Variants in SEMA6A observed in about 807,000 individuals in gnomAD.
SEMA6A encodes the protein semaphorin-6A.
A neutral mutation model predicts 96.8 loss-of-function variants in SEMA6A; 25 were observed. The ratio of observed to expected loss-of-function variants is 0.26; its 90% CI spans 0.19 to 0.36. The LOEUF is 0.36. Ranked by LOEUF, SEMA6A falls within the 10% of genes least tolerant of loss-of-function variation. The pLI is 1.00. For missense variants in SEMA6A, 1,363 were observed against 1,323.1 expected (o/e 1.03, Z -0.47); for synonymous variants, 612 against 518.0 (o/e 1.18, Z -2.46).
chr5:116,539,135 T>TA (rs1220570664), intron 1 of SEMA6A, among the ~76,000 whole-genome samples: 3 of 152,192 alleles, frequency 2.0e-5, no homozygotes, highest in Admixed American at 2.0e-4. Flanking sequence ...ATGGCAGTGC[T>TA]AGAGTTCAAG....
chr5:116,483,474 C>G (rs1049920171), intron 10 of SEMA6A, among the ~76,000 whole-genome samples: 1 of 152,096 alleles, frequency 6.6e-6, no homozygotes, highest in African/African-American at 2.4e-5. Context: ...GACACGGGTG[C>G]CCTGCAGTGT....
chr5:116,492,997 T>A lies in SEMA6A; in HGVS notation c.445-1167A>T, dbSNP rs1036946929. Among the ~76,000 whole-genome samples the A allele has an allele frequency of 2.6e-5, 4 of 152,214 alleles. No individual in the cohort carries two copies. In the East Asian group the frequency reaches 7.7e-4, roughly 29 times the overall value. On this transcript the variant is annotated intron_variant, in intron 6 of 18. Coordinates refer to ENST00000343348, the MANE Select transcript of SEMA6A (RefSeq NM_020796.5). Reference sequence around the variant, plus strand: ...CACTTTTCTGAGCAATGCCAAGGGTTCTTACTACCATTCACAGCGCTAGGC... The same window carrying A: ...CACTTTTCTGAGCAATGCCAAGGGTACTTACTACCATTCACAGCGCTAGGC...
rs929888898 is a variant in SEMA6A at position 116,469,917 on chromosome 5, A to G, written c.1730-2170T>C. Among the ~76,000 whole-genome samples, 26 of 152,344 alleles carry G rather than the reference A, an allele frequency of 1.7e-4. No individual in the cohort carries two copies. In the East Asian group the frequency reaches 1.9e-3, roughly 11 times the overall value. ...TATGAGAAATCAGTCTCTTCTTCCT[A>G]TCACTGAAGTGTTAGTCTAATACCC... On this transcript the variant is annotated intron_variant, in intron 17 of 18. Transcript: ENST00000343348.
chr5:116,449,165 C>T lies in SEMA6A; in HGVS notation c.1895-1354G>A, dbSNP rs1238570439. ...CATCACAGTTGTCAGATCTTAAGTG[C>T]TTGATGCAGTCGCTAAAAAATAAAA... On this transcript the variant is annotated intron_variant, in intron 18 of 18. Transcript: ENST00000343348. 8.5e-5 allele frequency among the ~76,000 whole-genome samples: 13 copies of T among 152,152 alleles called. 1 individual carries two copies.
rs200619839 is a variant in SEMA6A at position 116,571,582 on chromosome 5, AC to A, written c.-39+2602del. On this transcript the variant is annotated intron_variant, in intron 1 of 18. Transcript: ENST00000343348. ...AGAACGTCCCAAAACCAAAATAATA[AC>A]AGGGAGTAAGGGTTACTCAAGATTC... 5.6e-3 allele frequency among the ~76,000 whole-genome samples: 854 copies of A among 152,360 alleles called. 18 individuals carry two copies. Among genetic ancestry groups the A allele is most frequent in the East Asian group, 0.043 (221 of 5,190 alleles).
chr5:116,479,034 G>A (rs1310925969), intron 12 of SEMA6A, among the ~76,000 whole-genome samples: 2 of 151,864 alleles, frequency 1.3e-5, no homozygotes, highest in Non-Finnish European at 2.9e-5. Context: ...CATGAACAAG[G>A]AAAAGACTAA....
At chr5:116,511,691 A>G (rs766464328) in intron 1 of SEMA6A, among the ~76,000 whole-genome samples, 48 of 152,290 alleles carry the variant, frequency 3.2e-4, no homozygotes, top group Non-Finnish European at 6.2e-4. Context: ...GCCTCATTCC[A>G]CTTTATGGCC....
chr5:116,445,932 C>G lies in SEMA6A; in HGVS notation c.*681G>C, dbSNP rs1183700708. Reference sequence around the variant, plus strand: ...ATAAATAAAGAGTTACTTGCGTTAACGGTCACGTTATTTCATTAAAAGAGA... The same window carrying G: ...ATAAATAAAGAGTTACTTGCGTTAAGGGTCACGTTATTTCATTAAAAGAGA... On this transcript the variant is annotated 3_prime_UTR_variant, in exon 19 of 19. Coordinates refer to ENST00000343348, the MANE Select transcript of SEMA6A (RefSeq NM_020796.5). The G allele has an allele frequency of 1.3e-5, 2 of 152,612 alleles. No individual in the cohort carries two copies. The highest frequency in any genetic ancestry group is 2.9e-5 in the Non-Finnish European group (2 of 68,036). The allele number at this position is 152,612 out of a possible 1,614,324, so 9.5% of individuals were successfully genotyped here. A position where few individuals can be genotyped will look rare whatever the true frequency, so the allele number is the denominator to read the frequency against.
chr5:116,534,811 C>T (rs1014057886), intron 1 of SEMA6A, among the ~76,000 whole-genome samples: 1 of 152,162 alleles, frequency 6.6e-6, no homozygotes, highest in Non-Finnish European at 1.5e-5. Flanking sequence ...GGAATGGGCA[C>T]GTTATTACTG....
At chr5:116,568,821 TAC>T (rs10531207) in intron 1 of SEMA6A, among the ~76,000 whole-genome samples, 71,554 of 150,518 alleles carry the variant, frequency 0.48, 17,822 homozygotes, top group East Asian at 0.59. Context: ...TGGAAGATTG[TAC>T]ACACACACAC....
chr5:116,468,491 G>C (rs1048749941), intron 17 of SEMA6A: 1 of 152,196 alleles, frequency 6.6e-6, no homozygotes. Context: ...TGACTAAAAT[G>C]ATTCAAATTA....
At chr5:116,530,269 CATTATA>C (rs1422420378) in intron 1 of SEMA6A, among the ~76,000 whole-genome samples, 1 of 152,138 alleles carries the variant, frequency 6.6e-6, no homozygotes, top group East Asian at 1.9e-4. Flanking sequence ...TAGTAAAAGA[CATTATA>C]ATCTGTACGG....
intron 18 of SEMA6A, among the ~76,000 whole-genome samples, chr5:116,459,587 G>T (rs1755243187): frequency 6.6e-6 from 1 of 152,054 alleles, no homozygotes; most frequent in Non-Finnish European, 1.5e-5. Flanking sequence ...TTCACAGTGT[G>T]GTATCTTGGT....
At chr5:116,570,295 A>C (rs1464234160) in intron 1 of SEMA6A, among the ~76,000 whole-genome samples, 1 of 152,216 alleles carries the variant, frequency 6.6e-6, no homozygotes, top group Non-Finnish European at 1.5e-5. Context: ...CTTCACGCTG[A>C]AATAGAAATA....
At chr5:116,486,633 A>T in intron 10 of SEMA6A, 116 bp downstream of exon 10, 1 of 797,278 alleles carries the variant, frequency 1.3e-6, no homozygotes, top group Non-Finnish European at 2.1e-6. Context: ...CTTCTTAGCT[A>T]CACACAATGA....
chr5:116,503,078 A>G (rs375601623), intron 2 of SEMA6A, among the ~76,000 whole-genome samples: 269 of 152,208 alleles, frequency 1.8e-3, no homozygotes, highest in African/African-American at 6.4e-3. Context: ...CTGTATTGAG[A>G]TCTGGCCTTT....
chr5:116,558,293 T>G (rs1760683939), intron 1 of SEMA6A, among the ~76,000 whole-genome samples: 1 of 152,242 alleles, frequency 6.6e-6, no homozygotes, highest in Non-Finnish European at 1.5e-5. Context: ...TCTTTTTTAA[T>G]TTTTACTTTT....
chr5:116,538,107 G>A (rs889111007), intron 1 of SEMA6A, among the ~76,000 whole-genome samples: 2 of 152,134 alleles, frequency 1.3e-5, no homozygotes, highest in Non-Finnish European at 2.9e-5. Context: ...CCCGGGAGGC[G>A]GAGGTTGCAG....
Position 116,473,076 on chromosome 5 carries a change from T to G in SEMA6A, c.1726A>C (p.Asn576His), listed in dbSNP as rs1464583467. 6.3e-7 allele frequency: 1 copy of G among 1,594,950 alleles called. No homozygotes were observed. The highest frequency in any genetic ancestry group is 8.5e-7 in the Non-Finnish European group (1 of 1,169,846). The change falls in exon 17 of 19, where the codon AAT becomes CAT. Residue 576 changes from asparagine to histidine, a missense_variant. Physicochemically the swap from Asn to His is moderately conservative, Grantham distance 68. This residue lies in a region of SEMA6A where 883 missense variants were observed against 763.6 expected (regional missense o/e 1.16). Coordinates refer to ENST00000343348, the MANE Select transcript of SEMA6A (RefSeq NM_020796.5). ...ATGAGAGTAATATCTTCCTTACCAT[T>G]CAGTGCCACAAAGGAATCTGAAAGA... is the stretch of plus-strand genomic sequence containing the variant. Reference protein sequence around the residue: ...GDCHNSFVALNGHSSSLLPST... With the variant: ...GDCHNSFVALHGHSSSLLPST...
Sources: gnomAD v4.1 joint callset for allele counts (sites outside exome capture counted in the v4.1 genomes callset) on GRCh38, gnomAD v4.1.1 for gene constraint, gnomAD v4.1.1 regional missense constraint, MANE v1.5 for transcripts, NCBI Gene and HGNC (gene_info 2026-07-23, HGNC 2026-07-21) for gene names.